The following ZDHHC17 variants were observed in gnomAD, a reference collection of about 807,000 sequenced individuals.
ZDHHC17 encodes zDHHC palmitoyltransferase 17.
Under a neutral mutation model 90.3 loss-of-function variants are expected in ZDHHC17, and 40 were observed. The ratio of observed to expected loss-of-function variants is 0.44; its 90% CI spans 0.34 to 0.58. ZDHHC17 has a LOEUF of 0.58. Ranked by LOEUF, ZDHHC17 falls within the 20% of genes least tolerant of loss-of-function variation. The pLI is 0.01. For synonymous variants in ZDHHC17, 235 were observed against 252.4 expected (o/e 0.93, Z 0.65); for missense variants, 614 against 780.8 (o/e 0.79, Z 2.55).
chr12:76,792,631 G>A (rs1171460082), intron 1 of ZDHHC17, among the ~76,000 whole-genome samples: 1 of 151,662 alleles, frequency 6.6e-6, no homozygotes, highest in East Asian at 1.9e-4. Context: ...TCTCCTTCCA[G>A]TTCTCTTCAA....
intron 1 of ZDHHC17, among the ~76,000 whole-genome samples, chr12:76,772,709 A>AT (rs869240058): frequency 0.029 from 3,052 of 105,508 alleles, 122 homozygotes; most frequent in African/African-American, 0.095. Flanking sequence ...TAACTTTTGT[A>AT]TTTTTTTTTT....
chr12:76,824,086 ATG>A (rs898117092), intron 8 of ZDHHC17, among the ~76,000 whole-genome samples: 1 of 151,742 alleles, frequency 6.6e-6, no homozygotes, highest in African/African-American at 2.4e-5. Flanking sequence ...TATTTTATAT[ATG>A]TATATTCACA....
chr12:76,842,791 T>C (rs1592498595), intron 11 of ZDHHC17, 128 bp from the exon 12 acceptor site: 1 of 653,784 alleles, frequency 1.5e-6, no homozygotes, highest in East Asian at 3.0e-5. Flanking sequence ...AAGATTTTAT[T>C]TCTCTTTTTG....
At chr12:76,806,626 C>T (rs541943613) in intron 3 of ZDHHC17, among the ~76,000 whole-genome samples, 3 of 152,226 alleles carry the variant, frequency 2.0e-5, no homozygotes, top group African/African-American at 7.2e-5. Context: ...CCACCCGCCT[C>T]GGCTTCCCAA....
intron 1 of ZDHHC17, among the ~76,000 whole-genome samples, chr12:76,781,013 A>C (rs1952618132): frequency 6.6e-6 from 1 of 151,734 alleles, no homozygotes; most frequent in African/African-American, 2.4e-5. Context: ...AGGCGCCCGT[A>C]GTCCCAGCTA....
At position 76,840,769 on chromosome 12, in the gene ZDHHC17, G is replaced by T. The variant is rs1953425479; in HGVS notation, c.1142-1213G>T. ...GAAAGACATTTTTAAAGTTCATTCAGTATTTAATTCCTTAATATACCTTTC... is the reference window on the plus strand; with the variant it reads ...GAAAGACATTTTTAAAGTTCATTCATTATTTAATTCCTTAATATACCTTTC... On this transcript the variant is annotated intron_variant, in intron 10 of 16. Transcript: ENST00000426126. Among the ~76,000 whole-genome samples the T allele has an allele frequency of 2.0e-5, 3 of 152,264 alleles. 1 individual carries two copies. The South Asian group carries it at 6.2e-4, about 32-fold the overall frequency.
chr12:76,818,813 T>C (rs1005471909), intron 7 of ZDHHC17, among the ~76,000 whole-genome samples: 2 of 152,318 alleles, frequency 1.3e-5, no homozygotes, highest in African/African-American at 4.8e-5. Context: ...GTATTCTCAG[T>C]CATGGGAAAC....
At chr12:76,784,337 A>G (rs1952662240) in intron 1 of ZDHHC17, among the ~76,000 whole-genome samples, 1 of 152,204 alleles carries the variant, frequency 6.6e-6, no homozygotes, top group South Asian at 2.1e-4. Flanking sequence ...TTCTACTAAA[A>G]TTGAAACAAG....
intron 1 of ZDHHC17, among the ~76,000 whole-genome samples, chr12:76,767,628 A>T (rs1952446230): frequency 6.6e-6 from 1 of 152,176 alleles, no homozygotes; most frequent in African/African-American, 2.4e-5. Context: ...ACTGGTTAAG[A>T]GCCAAAGTTG....
chr12:76,813,191 C>A, intron 5 of ZDHHC17: 2 of 282,294 alleles, frequency 7.1e-6, no homozygotes, highest in Non-Finnish European at 1.4e-5. Context: ...TTTAATTAGA[C>A]CTGAAATTTG....
rs564857822 is a variant in ZDHHC17 at position 76,847,069 on chromosome 12, T to A, written c.1507+390T>A. Among the ~76,000 whole-genome samples the A allele has an allele frequency of 5.6e-4, 86 of 152,348 alleles. 2 individuals carry two copies. The Middle Eastern group carries it at 0.014, about 24-fold the overall frequency. On this transcript the variant is annotated intron_variant, in intron 14 of 16. Transcript: ENST00000426126. ...TGGGAAAATATACTTAAAATTAAATTTGCAGAGAATTTGAAATATTTTGAA... is the reference window on the plus strand; with the variant it reads ...TGGGAAAATATACTTAAAATTAAATATGCAGAGAATTTGAAATATTTTGAA...
intron 1 of ZDHHC17, among the ~76,000 whole-genome samples, chr12:76,775,383 A>G (rs967564636): frequency 4.6e-5 from 7 of 152,224 alleles, no homozygotes; most frequent in Admixed American, 4.6e-4. Context: ...TATTGTGATG[A>G]AGAACATGGT....
intron 2 of ZDHHC17, among the ~76,000 whole-genome samples, chr12:76,800,970 C>T (rs1180087876): frequency 1.4e-5 from 2 of 146,968 alleles, no homozygotes; most frequent in East Asian, 4.1e-4. Flanking sequence ...TCATTGCCAT[C>T]TCCGCCTACT....
rs544656119 is a variant in ZDHHC17, at chr12:76,818,569, A to G, written c.771+2550A>G. ...ATTTGGGAATGCCTCTGAGGAGATGACATTTGCTTTCAGAATTACGTAATG... is the reference window on the plus strand; with the variant it reads ...ATTTGGGAATGCCTCTGAGGAGATGGCATTTGCTTTCAGAATTACGTAATG... On this transcript the variant is annotated intron_variant, in intron 7 of 16. Transcript: ENST00000426126. Among the ~76,000 whole-genome samples the G allele has an allele frequency of 2.4e-4, 36 of 152,360 alleles. 1 individual carries two copies. Among genetic ancestry groups the G allele is most frequent in the Admixed American group, 9.8e-4 (15 of 15,306 alleles).
Position 76,781,905 on chromosome 12 carries a change from C to A in ZDHHC17, c.94-15529C>A, listed in dbSNP as rs555950048. Among the ~76,000 whole-genome samples, 9 of 152,196 alleles carry A rather than the reference C, an allele frequency of 5.9e-5. No individual in the cohort carries two copies. The South Asian group carries it at 1.9e-3, about 32-fold the overall frequency. On this transcript the variant is annotated intron_variant, in intron 1 of 16. Transcript: ENST00000426126. The stretch of plus-strand genomic sequence containing the variant: ...AATTCTAGGTGTGATAGGGTAAGTA[C>A]TGTATGATGTATTTGTATATAACTG...
intron 1 of ZDHHC17, among the ~76,000 whole-genome samples, chr12:76,773,765 G>A (rs1952523024): frequency 6.6e-6 from 1 of 152,080 alleles, no homozygotes; most frequent in African/African-American, 2.4e-5. Context: ...CTTTATTAGA[G>A]TTAACTATCA....
At chr12:76,808,737 G>C (rs1207412509) in intron 3 of ZDHHC17, among the ~76,000 whole-genome samples, 1 of 151,726 alleles carries the variant, frequency 6.6e-6, no homozygotes, top group Admixed American at 6.6e-5. Flanking sequence ...GTTTCTATAT[G>C]CTACTATTCA....
chr12:76,850,214 G>A (rs1226655341), intron 16 of ZDHHC17, among the ~76,000 whole-genome samples: 1 of 151,828 alleles, frequency 6.6e-6, no homozygotes. Flanking sequence ...CCACTGGTGC[G>A]CACCTGGCCA....
At chr12:76,792,548 G>A (rs1191636643) in intron 1 of ZDHHC17, among the ~76,000 whole-genome samples, 1 of 151,866 alleles carries the variant, frequency 6.6e-6, no homozygotes, top group Admixed American at 6.6e-5. Flanking sequence ...GCTTATCCCA[G>A]CTCTTCCCAT....
Sources: allele counts gnomAD v4.1 joint callset (sites outside exome capture counted in the v4.1 genomes callset), GRCh38; gene constraint gnomAD v4.1.1; transcripts MANE v1.5; gene names NCBI Gene and HGNC (gene_info 2026-07-23, HGNC 2026-07-21).